NUMB: variants seen among roughly 807,000 people sequenced by gnomAD.
NUMB encodes NUMB endocytic adaptor protein.
Under a neutral mutation model 59.7 loss-of-function variants are expected in NUMB, and 29 were observed. The ratio of observed to expected loss-of-function variants is 0.49; its 90% confidence interval spans 0.36 to 0.66. The LOEUF is 0.66. NUMB is among the 30% of genes least tolerant of loss of function. NUMB has a pLI of 0.00. For synonymous variants in NUMB, 288 were observed against 288.2 expected, an observed-to-expected ratio of 1.00 and a Z score of 0.01; for missense variants, 723 against 822.0, an observed-to-expected ratio of 0.88 and a Z score of 1.47.
chr14:73,362,065 T>G (rs1352914070), intron 3 of NUMB, among the ~76,000 whole-genome samples: 1 of 152,042 alleles, frequency 6.6e-6, no homozygotes, highest in African/African-American at 2.4e-5. Flanking sequence ...GAGACCAGCC[T>G]GGACAACATG....
intron 2 of NUMB, among the ~76,000 whole-genome samples, chr14:73,378,020 TACACAC>T (rs760071335): frequency 1.3e-4 from 17 of 134,170 alleles, no homozygotes; most frequent in South Asian, 6.8e-4. Context: ...CACACACACA[TACACAC>T]ACACACACAC....
intron 4 of NUMB, among the ~76,000 whole-genome samples, chr14:73,345,632 C>T (rs1031781227): frequency 9.9e-5 from 15 of 152,022 alleles, no homozygotes; most frequent in African/African-American, 2.2e-4. Context: ...AACATTTGGC[C>T]GGGCACAGTG....
At chr14:73,299,548 A>G (rs1204407025) in intron 6 of NUMB, among the ~76,000 whole-genome samples, 3 of 117,140 alleles carry the variant, frequency 2.6e-5, no homozygotes, top group Non-Finnish European at 5.3e-5. Flanking sequence ...TATGTCATAT[A>G]TGTATCATAT....
intron 2 of NUMB, among the ~76,000 whole-genome samples, chr14:73,382,948 C>T (rs1369659470): frequency 6.6e-6 from 1 of 152,134 alleles, no homozygotes; most frequent in Non-Finnish European, 1.5e-5. Context: ...GAGTTTGAGA[C>T]CAACCTGGCC....
intron 1 of NUMB, among the ~76,000 whole-genome samples, chr14:73,454,131 T>G (rs1595058034): frequency 2.0e-5 from 3 of 151,976 alleles, no homozygotes; most frequent in Non-Finnish European, 4.4e-5. Flanking sequence ...GGACCAATCA[T>G]ACCTCAAACC....
chr14:73,302,210 G>C (rs188837660), intron 6 of NUMB, among the ~76,000 whole-genome samples: 10 of 152,274 alleles, frequency 6.6e-5, no homozygotes, highest in East Asian at 3.9e-4. Flanking sequence ...TCTCTGAAGA[G>C]GGGAAGAAAA....
chr14:73,375,189 T>G (rs1289078077), intron 2 of NUMB, among the ~76,000 whole-genome samples: 1 of 152,238 alleles, frequency 6.6e-6, no homozygotes, highest in Non-Finnish European at 1.5e-5. Context: ...TTAGTTGTCC[T>G]AAATCATATC....
chr14:73,353,852 T>C (rs987923341), intron 4 of NUMB, among the ~76,000 whole-genome samples: 17 of 151,960 alleles, frequency 1.1e-4, no homozygotes, highest in Admixed American at 2.0e-4. Context: ...GTAAGCCAAC[T>C]GTATGGTGGG....
At chr14:73,296,794 C>T (rs934869808) in intron 7 of NUMB, among the ~76,000 whole-genome samples, 5 of 151,876 alleles carry the variant, frequency 3.3e-5, no homozygotes, top group Admixed American at 2.6e-4. Flanking sequence ...AGGAGGCTGC[C>T]GGTGGATCAC....
intron 4 of NUMB, among the ~76,000 whole-genome samples, chr14:73,351,793 G>C (rs1379132847): frequency 1.3e-5 from 2 of 151,890 alleles, no homozygotes; most frequent in African/African-American, 2.4e-5. Flanking sequence ...TGGCTAACAT[G>C]GTGAAACCCC....
intron 8 of NUMB, among the ~76,000 whole-genome samples, chr14:73,291,431 T>C (rs535840555): frequency 1.3e-5 from 2 of 151,714 alleles, no homozygotes; most frequent in African/African-American, 4.8e-5. Flanking sequence ...CAGGCTGGAG[T>C]GCAGTGGTGC....
chr14:73,325,769 T>TC (rs1891630082), intron 4 of NUMB, among the ~76,000 whole-genome samples: 1 of 151,600 alleles, frequency 6.6e-6, no homozygotes, highest in East Asian at 1.9e-4. Flanking sequence ...AGTACAGGAG[T>TC]CCCCCTCTCT....
chr14:73,416,293 G>C (rs1467989313), intron 1 of NUMB, among the ~76,000 whole-genome samples: 17 of 150,112 alleles, frequency 1.1e-4, no homozygotes, highest in Admixed American at 6.0e-4. Context: ...AATTATGTTA[G>C]TTGGAAAAAC....
chr14:73,313,056 G>C (rs965689668), intron 6 of NUMB, among the ~76,000 whole-genome samples: 1 of 151,184 alleles, frequency 6.6e-6, no homozygotes, highest in African/African-American at 2.4e-5. Context: ...GTGTGATCTA[G>C]GCTCACTGCA....
intron 1 of NUMB, among the ~76,000 whole-genome samples, chr14:73,447,900 G>A (rs1883649367): frequency 1.3e-5 from 2 of 151,034 alleles, no homozygotes; most frequent in African/African-American, 2.4e-5. Context: ...GGGTTCAAGC[G>A]ATTCTCCCAC....
intron 12 of NUMB, among the ~76,000 whole-genome samples, chr14:73,277,590 A>G (rs1322438832): frequency 3.3e-5 from 5 of 152,116 alleles, no homozygotes; most frequent in Admixed American, 3.3e-4. Context: ...CGCTGTTGCT[A>G]TGGCTCATCC....
intron 12 of NUMB, among the ~76,000 whole-genome samples, chr14:73,277,692 C>T (rs927117332): frequency 2.6e-5 from 4 of 151,374 alleles, no homozygotes; most frequent in African/African-American, 9.7e-5. Context: ...AGCCCAAGAG[C>T]TGGAGGCTGC....
At chr14:73,390,636 G>GTTTTT (rs1895795045) in intron 2 of NUMB, among the ~76,000 whole-genome samples, 3 of 60,072 alleles carry the variant, frequency 5.0e-5, no homozygotes, top group Admixed American at 1.7e-4. Flanking sequence ...CAAAAACAAA[G>GTTTTT]TCTTTTTTTT....
intron 1 of NUMB, among the ~76,000 whole-genome samples, chr14:73,435,272 T>C (rs1486676600): frequency 3.1e-5 from 1 of 32,688 alleles, no homozygotes; most frequent in African/African-American, 3.0e-4. Context: ...TGGCAATTAC[T>C]TTTTTTTTTT....
Sources: allele counts gnomAD v4.1 joint callset (sites outside exome capture counted in the v4.1 genomes callset), GRCh38; gene constraint gnomAD v4.1.1; transcripts MANE v1.5; gene names NCBI Gene and HGNC (gene_info 2026-07-23, HGNC 2026-07-21).